The following AGBL4 variants were observed in gnomAD, a reference collection of about 807,000 sequenced individuals.
AGBL4 encodes the protein cytosolic carboxypeptidase 6.
AGBL4 carries 58 observed loss-of-function variants against 66.4 expected under a neutral mutation model. The observed-to-expected ratio is 0.87, with a 90% CI of 0.71 to 1.09. The LOEUF is 1.09. Among genes scored for constraint, AGBL4 ranks in the 50% least tolerant of loss-of-function variants. The pLI, the probability that AGBL4 is intolerant of heterozygous loss-of-function variation, is 0.00. For missense variants in AGBL4, 579 were observed against 631.0 expected, an observed-to-expected ratio of 0.92 and a Z score of 0.88; for synonymous variants, 234 against 222.9, an observed-to-expected ratio of 1.05 and a Z score of -0.44.
intron 5 of AGBL4, among the ~76,000 whole-genome samples, chr1:49,033,264 G>A (rs1251564156): frequency 6.6e-6 from 1 of 152,102 alleles, no homozygotes; most frequent in African/African-American, 2.4e-5. Context: ...TAGAGTGTCT[G>A]ATCAGGACAT....
At chr1:49,108,575 C>T (rs1315878405) in intron 4 of AGBL4, among the ~76,000 whole-genome samples, 1 of 152,110 alleles carries the variant, frequency 6.6e-6, no homozygotes, top group Admixed American at 6.5e-5. Flanking sequence ...AGTACAAGGC[C>T]TCATACTGCC....
At chr1:48,954,150 C>A (rs562138527) in intron 5 of AGBL4, among the ~76,000 whole-genome samples, 13 of 152,310 alleles carry the variant, frequency 8.5e-5, no homozygotes, top group African/African-American at 3.1e-4. Context: ...CCTCTTCTTG[C>A]CACTTCTTTT....
chr1:49,647,181 T>C (rs940930355), intron 3 of AGBL4, among the ~76,000 whole-genome samples: 15 of 151,890 alleles, frequency 9.9e-5, no homozygotes, highest in African/African-American at 3.6e-4. Context: ...AAATGAGACA[T>C]CATCAAAATT....
At chr1:49,877,695 C>T (rs984871312) in intron 1 of AGBL4, among the ~76,000 whole-genome samples, 12 of 151,764 alleles carry the variant, frequency 7.9e-5, no homozygotes, top group African/African-American at 2.2e-4. Context: ...GGGAGGATTC[C>T]CTCTTTTTCT....
At chr1:49,940,506 G>C (rs1654635854) in intron 1 of AGBL4, among the ~76,000 whole-genome samples, 1 of 152,226 alleles carries the variant, frequency 6.6e-6, no homozygotes, top group African/African-American at 2.4e-5. Context: ...ATACACCATG[G>C]AATACTATGC....
chr1:49,190,764 C>T (rs982303581), intron 4 of AGBL4, among the ~76,000 whole-genome samples: 5 of 152,156 alleles, frequency 3.3e-5, no homozygotes, highest in Non-Finnish European at 7.3e-5. Flanking sequence ...AGGACAGGCT[C>T]ACACATATTA....
intron 3 of AGBL4, among the ~76,000 whole-genome samples, chr1:49,498,977 T>C (rs1340165190): frequency 1.3e-5 from 2 of 152,058 alleles, no homozygotes; most frequent in South Asian, 2.1e-4. Flanking sequence ...TTGTTGAAAA[T>C]TTTTACACCT....
At chr1:49,716,485 T>C (rs1648149175) in intron 2 of AGBL4, among the ~76,000 whole-genome samples, 2 of 151,952 alleles carry the variant, frequency 1.3e-5, no homozygotes, top group Non-Finnish European at 2.9e-5. Context: ...TCTAATTGTG[T>C]GAAGAAAGCC....
chr1:50,002,262 T>A (rs185046448), intron 1 of AGBL4, among the ~76,000 whole-genome samples: 5 of 152,112 alleles, frequency 3.3e-5, no homozygotes, highest in Admixed American at 2.6e-4. Context: ...CTTTAACTTA[T>A]ATAGCCAGTT....
At chr1:49,524,670 G>A (rs1380148861) in intron 3 of AGBL4, among the ~76,000 whole-genome samples, 1 of 151,282 alleles carries the variant, frequency 6.6e-6, no homozygotes, top group Non-Finnish European at 1.5e-5. Flanking sequence ...TCTCTCTCTT[G>A]CCATACAATC....
At chr1:48,546,132 T>C (rs1265245954) in intron 11 of AGBL4, among the ~76,000 whole-genome samples, 1 of 152,220 alleles carries the variant, frequency 6.6e-6, no homozygotes, top group Non-Finnish European at 1.5e-5. Context: ...GCATACAGTG[T>C]AGTTACTATC....
Position 50,023,872 on chromosome 1 carries a change from T to C in AGBL4, c.-76A>G. The C allele has an allele frequency of 6.8e-7, 1 of 1,480,242 alleles. No individual in the cohort carries two copies. The highest frequency in any genetic ancestry group is 1.3e-5 in the South Asian group (1 of 77,776). 91.7% of individuals were successfully genotyped at this position (1,480,242 alleles called of 1,614,324 possible). On this transcript the variant is annotated 5_prime_UTR_variant, in exon 1 of 14. Transcript: ENST00000371839. ...GGAGCGGGTGGTGGGATCAGTGGGC[T>C]GACAGGAGCTACCTCAGGAAGACGC...
intron 3 of AGBL4, among the ~76,000 whole-genome samples, chr1:49,442,375 T>C (rs556160727): frequency 1.4e-4 from 21 of 152,156 alleles, no homozygotes; most frequent in African/African-American, 7.2e-5. Context: ...CAAAAACATA[T>C]AGGTATTTAC....
At chr1:49,070,887 T>C (rs1365622784) in intron 4 of AGBL4, among the ~76,000 whole-genome samples, 1 of 151,968 alleles carries the variant, frequency 6.6e-6, no homozygotes, top group Non-Finnish European at 1.5e-5. Context: ...CTTTTTTTGG[T>C]TGGTAGGCTA....
At chr1:49,094,992 G>C (rs1460119089) in intron 4 of AGBL4, among the ~76,000 whole-genome samples, 1 of 152,070 alleles carries the variant, frequency 6.6e-6, no homozygotes, top group Non-Finnish European at 1.5e-5. Flanking sequence ...AAAGTCTCAG[G>C]ATACAAAATC....
chr1:49,996,374 T>A (rs1660368774), intron 1 of AGBL4, among the ~76,000 whole-genome samples: 1 of 151,944 alleles, frequency 6.6e-6, no homozygotes, highest in Non-Finnish European at 1.5e-5. Context: ...TAAAAAGCAA[T>A]CACTACTTCT....
At chr1:48,678,231 G>A (rs899181565) in intron 6 of AGBL4, among the ~76,000 whole-genome samples, 25 of 146,816 alleles carry the variant, frequency 1.7e-4, no homozygotes, top group Non-Finnish European at 1.6e-4. Context: ...CACCCATCCC[G>A]CCGCCCCCGC....
chr1:49,926,187 C>G (rs747996797), intron 1 of AGBL4, among the ~76,000 whole-genome samples: 5 of 152,198 alleles, frequency 3.3e-5, no homozygotes, highest in Non-Finnish European at 7.3e-5. Context: ...GAGAAAGAGA[C>G]GTTCTGCTTA....
chr1:49,289,654 C>T (rs1432995106), intron 3 of AGBL4, among the ~76,000 whole-genome samples: 2 of 152,236 alleles, frequency 1.3e-5, no homozygotes, highest in East Asian at 1.9e-4. Context: ...GTAAAATCAT[C>T]TTTACTGAGA....
Sources: gnomAD v4.1 joint callset for allele counts (sites outside exome capture counted in the v4.1 genomes callset) on GRCh38, gnomAD v4.1.1 for gene constraint, MANE v1.5 for transcripts, NCBI Gene and HGNC (gene_info 2026-07-23, HGNC 2026-07-21) for gene names.